Variants in TCF3 observed in about 807,000 individuals in gnomAD.
The protein encoded by TCF3 is transcription factor E2-alpha.
A neutral mutation model predicts 72.3 loss-of-function variants in TCF3; 54 were observed. That is an observed-to-expected ratio of 0.75 (90% confidence interval 0.60 to 0.94). The LOEUF is 0.94. Among genes scored for constraint, TCF3 ranks in the 40% least tolerant of loss-of-function variants. TCF3 has a pLI of 0.00. For missense variants in TCF3, 1,078 were observed against 934.4 expected, an observed-to-expected ratio of 1.15 and a Z score of -2.00; for synonymous variants, 525 against 412.6, an observed-to-expected ratio of 1.27 and a Z score of -3.30.
At chr19:1,618,093 A>G (rs2061738181) in intron 16 of TCF3, among the ~76,000 whole-genome samples, 1 of 150,200 alleles carries the variant, frequency 6.7e-6, no homozygotes, top group South Asian at 2.1e-4. Context: ...GAGACACTCA[A>G]CAATCCCCAG....
Position 1,627,806 on chromosome 19 carries a change from CA to C in TCF3, c.299-381del, listed in dbSNP as rs35924901. Among the ~76,000 whole-genome samples the C allele has an allele frequency of 2.3e-3, 269 of 115,248 alleles. 2 individuals carry two copies. The highest frequency in any genetic ancestry group is 8.1e-3 in the African/African-American group (201 of 24,936). The allele number at this position is 115,248 out of a possible 152,430, so 75.6% of individuals were successfully genotyped here. A position where few individuals can be genotyped will look rare whatever the true frequency, so the allele number is the denominator to read the frequency against. On this transcript the variant is annotated intron_variant, in intron 5 of 18. Coordinates refer to ENST00000262965, the MANE Select transcript of TCF3 (RefSeq NM_003200.5). ...GGTGGGAAGGGGACAGCAGAGCTCACAGGGGGTGAGGCGGGAAGGGGACAGC... is the reference window on the plus strand; with the variant it reads ...GGTGGGAAGGGGACAGCAGAGCTCACGGGGGTGAGGCGGGAAGGGGACAGC...
intron 3 of TCF3, among the ~76,000 whole-genome samples, chr19:1,642,230 ACGCACG>A (rs1484354196): frequency 6.6e-5 from 10 of 151,670 alleles, no homozygotes; most frequent in African/African-American, 1.9e-4. Context: ...ACGCACAGAC[ACGCACG>A]CGCAGACGCA....
At chr19:1,636,429 G>A (rs1040906445) in intron 3 of TCF3, among the ~76,000 whole-genome samples, 2 of 152,080 alleles carry the variant, frequency 1.3e-5, no homozygotes, top group Non-Finnish European at 2.9e-5. Flanking sequence ...CCAAAGTGCT[G>A]GGATTACAGG....
rs770897713 is a variant in TCF3, at chr19:1,632,394, G to A, written c.157C>T (p.Arg53Trp). 8.8e-6 allele frequency: 14 copies of A among 1,594,542 alleles called. No homozygotes were observed. The highest frequency in any genetic ancestry group is 3.4e-5 in the South Asian group (3 of 87,394). ...AQFGGSGLED[R>W]PSSGSWGSGD... ...CTGCCCCAGGAGCCTGAGCTGGGCC[G>A]GTCCTCAAGACCTGCAGGCAGGACA... Residue 53 changes from arginine to tryptophan, a missense_variant, in exon 4 of 19, where the codon CGG becomes TGG. Coordinates refer to ENST00000262965, the MANE Select transcript of TCF3 (RefSeq NM_003200.5).
chr19:1,633,617 G>A (rs1376147686), intron 3 of TCF3, among the ~76,000 whole-genome samples: 2 of 152,198 alleles, frequency 1.3e-5, no homozygotes, highest in African/African-American at 4.8e-5. Context: ...CAAGTCTAAT[G>A]AATATTCATG....
At position 1,627,395 on chromosome 19, in the gene TCF3, G is replaced by A. The variant is rs1482804683; in HGVS notation, c.330C>T (p.Ser110=). The A allele has an allele frequency of 6.2e-7, 1 of 1,612,080 alleles. No individual in the cohort carries two copies. The highest frequency in any genetic ancestry group is 8.5e-7 in the Non-Finnish European group (1 of 1,179,742). The change falls in exon 6 of 19, where the codon TCC becomes TCT. Residue 110 remains serine (S), a synonymous_variant. Transcript: ENST00000262965. ...GKSGERGAYA[S]FGRDAGVGGL... ...CGCCCACGCCTGCGTCTCTCCCGAA[G>A]GAGGCATAGGCGCCCCGCTCACCGC...
chr19:1,627,370 C>G lies in TCF3; in HGVS notation c.355G>C (p.Gly119Arg). Residue 119 changes from glycine (G) to arginine (R), a missense_variant, in exon 6 of 19, where the codon GGC (glycine) becomes CGC (arginine). Transcript: ENST00000262965. ...ASFGRDAGVG[G>R]LTQAGFLSGE... ...CCCGAGCCCCTCACCTGAGTCAGGC[C>G]GCCCACGCCTGCGTCTCTCCCGAAG... is the stretch of plus-strand genomic sequence containing the variant. 3.1e-6 allele frequency: 5 copies of G among 1,610,230 alleles called. No individual in the cohort carries two copies. Among genetic ancestry groups the G allele is most frequent in the East Asian group, 4.5e-5 (2 of 44,860 alleles).
chr19:1,611,304 A>G lies in TCF3; in HGVS notation c.*403T>C, dbSNP rs2060966105. 5.4e-6 allele frequency: 2 copies of G among 369,948 alleles called. No homozygotes were observed. The highest frequency in any genetic ancestry group is 9.6e-6 in the Non-Finnish European group (2 of 208,296). The allele number at this position is 369,948 out of a possible 1,614,324, so 22.9% of individuals were successfully genotyped here. ...ATGTTTCCATTTCTCCGCTTTTTAT[A>G]GTTAAGGCATTTTTTTCTTCTCTGA... On this transcript the variant is annotated 3_prime_UTR_variant, in exon 19 of 19. Coordinates refer to ENST00000262965, the MANE Select transcript of TCF3 (RefSeq NM_003200.5).
In TCF3 at chr19:1,610,869, C is replaced by CA. The variant is rs1422779066; in HGVS notation, c.*837dup. The CA allele has an allele frequency of 6.9e-5, 11 of 159,478 alleles. No homozygotes were observed. Among genetic ancestry groups the CA allele is most frequent in the South Asian group, 2.4e-4 (1 of 4,138 alleles). 9.9% of individuals were successfully genotyped at this position (159,478 alleles called of 1,614,324 possible). A position where few individuals can be genotyped will look rare whatever the true frequency, so the allele number is the denominator to read the frequency against. On this transcript the variant is annotated 3_prime_UTR_variant, in exon 19 of 19. Transcript: ENST00000262965. Reference sequence around the variant, plus strand: ...ACAAAACCAAGAGAACCCCCAACATCAAAAAAACAAAAGACCCGCCGCCTG... The same window carrying CA: ...ACAAAACCAAGAGAACCCCCAACATCAAAAAAAACAAAAGACCCGCCGCCTG...
chr19:1,642,484 A>G (rs1329818046), intron 3 of TCF3, among the ~76,000 whole-genome samples: 1 of 152,162 alleles, frequency 6.6e-6, no homozygotes, highest in Non-Finnish European at 1.5e-5. Flanking sequence ...GTGAATCCCG[A>G]AAGACTTCAG....
intron 1 of TCF3, 43 bp from the exon 2 acceptor site, chr19:1,650,330 G>A: frequency 2.1e-6 from 3 of 1,395,584 alleles, no homozygotes; most frequent in Middle Eastern, 1.8e-4. Flanking sequence ...GAGAAACAGG[G>A]AGGGGAGAAG....
intron 3 of TCF3, among the ~76,000 whole-genome samples, chr19:1,637,463 A>G (rs1250510176): frequency 2.0e-5 from 3 of 152,226 alleles, no homozygotes; most frequent in African/African-American, 7.2e-5. Flanking sequence ...ACAGATGTTA[A>G]GTAACAACTC....
chr19:1,651,109 GGGC>G (rs1425873951), intron 1 of TCF3: 1 of 232,192 alleles, frequency 4.3e-6, no homozygotes, highest in Non-Finnish European at 8.5e-6. Context: ...TGGTCCCAGG[GGGC>G]TCCATTCTAA....
At position 1,610,543 on chromosome 19, in the gene TCF3, A is replaced by T. The variant is rs1025921308; in HGVS notation, c.*1164T>A. 4 of 231,494 alleles carry T rather than the reference A, an allele frequency of 1.7e-5. No homozygotes were observed. Among genetic ancestry groups the T allele is most frequent in the Non-Finnish European group, 3.4e-5 (4 of 117,150 alleles). The allele number at this position is 231,494 out of a possible 1,614,324, so 14.3% of individuals were successfully genotyped here. A position where few individuals can be genotyped will look rare whatever the true frequency, so the allele number is the denominator to read the frequency against. On this transcript the variant is annotated 3_prime_UTR_variant, in exon 19 of 19. Coordinates refer to ENST00000262965, the MANE Select transcript of TCF3 (RefSeq NM_003200.5). ...AGGACAGGGTGTCCAGGAGGTCCCC[A>T]GCACCGGGCTCCAGGGTGTGGTCCC...
At position 1,646,360 on chromosome 19, in the gene TCF3, C is replaced by T; in HGVS notation, c.140G>A (p.Gly47Asp). ...PASLAGAQFG[G>D]SGLEDRPSSG... ...GCAGGAAGGCGGGGTCCTACCTGAA[C>T]CTCCGAACTGCGCCCCGGCCAGGGA... Residue 47 changes from glycine to aspartate, a missense_variant, in exon 3 of 19, where the codon GGT becomes GAT. By Grantham distance (94) the Gly-to-Asp change is moderately conservative. Coordinates refer to ENST00000262965, the MANE Select transcript of TCF3 (RefSeq NM_003200.5). 1.3e-6 allele frequency: 2 copies of T among 1,550,446 alleles called. No homozygotes were observed. The highest frequency in any genetic ancestry group is 1.2e-5 in the South Asian group (1 of 84,044).
At chr19:1,650,352 G>A (rs537938285) in intron 1 of TCF3, 65 bp from the exon 2 acceptor site, 12 of 1,246,622 alleles carry the variant, frequency 9.6e-6, no homozygotes, top group African/African-American at 9.0e-5. Flanking sequence ...GTTGTGAGTG[G>A]TCAAAGCACA....
chr19:1,651,351 CTT>C (rs1180437442), intron 1 of TCF3: 8 of 227,720 alleles, frequency 3.5e-5, no homozygotes, highest in South Asian at 1.8e-4. Flanking sequence ...GAAATCCCCT[CTT>C]TGTCTGCCAA....
Position 1,612,074 on chromosome 19 carries a change from C to A in TCF3, c.1823-225G>T, listed in dbSNP as rs189958954. 1,518 of 955,486 alleles carry A rather than the reference C, an allele frequency of 1.6e-3. 4 individuals carry two copies. The highest frequency in any genetic ancestry group is 2.1e-3 in the Non-Finnish European group (1,405 of 658,928). 59.2% of individuals were successfully genotyped at this position (955,486 alleles called of 1,614,324 possible). ...ATCAGGGGGTGTCTGGGGAACATCA[C>A]TGGGTCTGAGTCCAGCCACAAAGAC... On this transcript the variant is annotated intron_variant, in intron 18 of 18. Transcript: ENST00000262965.
intron 3 of TCF3, among the ~76,000 whole-genome samples, chr19:1,639,808 A>G (rs1398349699): frequency 2.6e-5 from 4 of 151,508 alleles, no homozygotes; most frequent in Admixed American, 1.3e-4. Flanking sequence ...AAAAACATGC[A>G]TTATGGAAAC....
Sources: gnomAD v4.1 joint callset for allele counts (sites outside exome capture counted in the v4.1 genomes callset) on GRCh38, gnomAD v4.1.1 for gene constraint, MANE v1.5 for transcripts, NCBI Gene and HGNC (gene_info 2026-07-23, HGNC 2026-07-21) for gene names.